PPP1R1C: variants seen among roughly 807,000 people sequenced by gnomAD.
The protein encoded by PPP1R1C is protein phosphatase 1 regulatory inhibitor subunit 1C.
A neutral mutation model predicts 17.4 loss-of-function variants in PPP1R1C; 15 were observed. The ratio of observed to expected loss-of-function variants is 0.86; its 90% CI spans 0.58 to 1.33. The LOEUF is 1.33. Ranked by LOEUF, PPP1R1C falls within the 40% of genes most tolerant of loss-of-function variation. The pLI is 0.00. For missense variants in PPP1R1C, 143 were observed against 130.0 expected (o/e 1.10, Z -0.48); for synonymous variants, 35 against 43.1 (o/e 0.81, Z 0.73).
At chr2:182,124,031 T>C (rs1377802211) in intron 5 of PPP1R1C, among the ~76,000 whole-genome samples, 1 of 152,198 alleles carries the variant, frequency 6.6e-6, no homozygotes, top group Non-Finnish European at 1.5e-5. Context: ...AATTTTTGTA[T>C]AAGGTTTAAG....
intron 4 of PPP1R1C, among the ~76,000 whole-genome samples, chr2:182,092,714 A>C (rs2125222012): frequency 6.6e-6 from 1 of 152,340 alleles, no homozygotes; most frequent in Middle Eastern, 3.4e-3. Context: ...CAAGTCCAAA[A>C]TCCAGCAGGA....
intron 4 of PPP1R1C, among the ~76,000 whole-genome samples, chr2:182,064,880 T>A (rs780459237): frequency 1.3e-5 from 2 of 152,112 alleles, no homozygotes; most frequent in East Asian, 3.8e-4. Context: ...AGTTTTGGCA[T>A]GAATGGGCAA....
At chr2:182,121,113 A>G (rs565359368), downstream of PPP1R1C, among the ~76,000 whole-genome samples, 2 of 152,330 alleles carry the variant, frequency 1.3e-5, no homozygotes, top group East Asian at 3.9e-4. Flanking sequence ...GAATGGGCAA[A>G]GAAACTGACC....
downstream of PPP1R1C, among the ~76,000 whole-genome samples, chr2:182,118,539 A>C (rs1414013017): frequency 3.3e-5 from 5 of 152,176 alleles, no homozygotes; most frequent in East Asian, 5.8e-4. Flanking sequence ...GGAAGAAAAA[A>C]TCAAATGTGT....
At chr2:182,050,643 C>A (rs1687484140) in intron 2 of PPP1R1C, among the ~76,000 whole-genome samples, 1 of 152,128 alleles carries the variant, frequency 6.6e-6, no homozygotes, top group Non-Finnish European at 1.5e-5. Context: ...CACAGCCTTG[C>A]CTATTTATTT....
intron 2 of PPP1R1C, among the ~76,000 whole-genome samples, chr2:182,004,160 G>A (rs1399032614): frequency 6.6e-6 from 1 of 152,170 alleles, no homozygotes; most frequent in Non-Finnish European, 1.5e-5. Context: ...TCTTCCAGTT[G>A]AACACCCTTC....
chr2:182,119,500 G>A (rs1218008411), downstream of PPP1R1C, among the ~76,000 whole-genome samples: 1 of 152,150 alleles, frequency 6.6e-6, no homozygotes, highest in Non-Finnish European at 1.5e-5. Context: ...CACAATGGTT[G>A]AACTAGTTTA....
At chr2:182,067,462 A>T (rs1688017015) in intron 4 of PPP1R1C, among the ~76,000 whole-genome samples, 1 of 152,108 alleles carries the variant, frequency 6.6e-6, no homozygotes. Flanking sequence ...GGAAGATGAA[A>T]GTGGCAATAA....
chr2:182,100,035 G>C (rs887981693), intron 4 of PPP1R1C, among the ~76,000 whole-genome samples: 3 of 152,124 alleles, frequency 2.0e-5, no homozygotes, highest in Admixed American at 6.5e-5. Context: ...GTGGTACCGA[G>C]TCTAATGTTT....
At chr2:182,070,042 A>G (rs1688096729) in intron 4 of PPP1R1C, among the ~76,000 whole-genome samples, 1 of 152,216 alleles carries the variant, frequency 6.6e-6, no homozygotes, top group Non-Finnish European at 1.5e-5. Flanking sequence ...GAAGCAACAT[A>G]CAAGTGGATA....
intron 4 of PPP1R1C, among the ~76,000 whole-genome samples, chr2:182,109,918 G>A (rs564661144): frequency 2.6e-5 from 4 of 152,202 alleles, no homozygotes; most frequent in Admixed American, 2.0e-4. Context: ...TCCATAAAAA[G>A]CATATCAGGA....
chr2:181,972,989 T>C (rs1374145501), intron 1 of PPP1R1C, among the ~76,000 whole-genome samples: 1 of 152,134 alleles, frequency 6.6e-6, no homozygotes, highest in Non-Finnish European at 1.5e-5. Flanking sequence ...GTATAATGAG[T>C]CATATGTTAC....
Position 182,038,528 on chromosome 2 carries a change from TGAATG to T in PPP1R1C, c.143-22912_143-22908del, listed in dbSNP as rs199502588. On this transcript the variant is annotated intron_variant, in intron 2 of 4. Coordinates refer to ENST00000682840, the MANE Select transcript of PPP1R1C (RefSeq NM_001080545.3). ...AAACTGAAAAGATATATGTAGGCAT[TGAATG>T]GCAGGATCAAAGCTGAGGAGATCCT... Among the ~76,000 whole-genome samples the T allele has an allele frequency of 1.4e-3, 220 of 152,338 alleles. 2 individuals are homozygous for T. In the East Asian group the frequency reaches 0.032, roughly 22 times the overall value.
At chr2:182,122,515 A>T (rs764777841), downstream of PPP1R1C, among the ~76,000 whole-genome samples, 2 of 152,168 alleles carry the variant, frequency 1.3e-5, no homozygotes, top group African/African-American at 4.8e-5. Context: ...CAAAAAAGTA[A>T]TATATAATTG....
rs569902377 is a variant in PPP1R1C, at chr2:182,006,073, A to G, written c.142+18174A>G. On this transcript the variant is annotated intron_variant, in intron 2 of 4. Coordinates refer to ENST00000682840, the MANE Select transcript of PPP1R1C (RefSeq NM_001080545.3). Reference sequence around the variant, plus strand: ...TCTTTCCTTAGCTGGAGATTCTGCCAATCTCATCATTGCATTTGTTATTTA... The same window carrying G: ...TCTTTCCTTAGCTGGAGATTCTGCCGATCTCATCATTGCATTTGTTATTTA... Among the ~76,000 whole-genome samples, 40 of 152,310 alleles carry G rather than the reference A, an allele frequency of 2.6e-4. 1 individual carries two copies. Among genetic ancestry groups the G allele is most frequent in the African/African-American group, 8.9e-4 (37 of 41,578 alleles).
chr2:181,962,881 G>A lies in PPP1R1C; in HGVS notation n.111+8247G>A, dbSNP rs1039885250. On this transcript the variant is annotated intron_variant and non_coding_transcript_variant, in intron 1 of 5. Transcript: ENST00000464264. This position sits in a 1 kb window ranked among gnomAD's most constrained non-coding sequence, Gnocchi z 6.0. Reference sequence around the variant, plus strand: ...GGAGAATCACTGATTCCCTTTGTCTGCAGGACACATTTGAGAGGGGGGATC... The same window carrying A: ...GGAGAATCACTGATTCCCTTTGTCTACAGGACACATTTGAGAGGGGGGATC... 6.6e-6 allele frequency among the ~76,000 whole-genome samples: 1 copy of A among 152,162 alleles called. No homozygotes were observed. The highest frequency in any genetic ancestry group is 1.5e-5 in the Non-Finnish European group (1 of 68,028).
intron 2 of PPP1R1C, among the ~76,000 whole-genome samples, chr2:182,040,169 A>C (rs1687138890): frequency 6.6e-6 from 1 of 152,226 alleles, no homozygotes; most frequent in Admixed American, 6.5e-5. Flanking sequence ...GTAGATACCC[A>C]GTAGTGAGAT....
At chr2:182,112,391 A>G (rs1689467558) in intron 4 of PPP1R1C, among the ~76,000 whole-genome samples, 1 of 152,126 alleles carries the variant, frequency 6.6e-6, no homozygotes, top group Non-Finnish European at 1.5e-5. Flanking sequence ...AATCATGACA[A>G]CCACAATAAC....
intron 2 of PPP1R1C, among the ~76,000 whole-genome samples, chr2:182,020,107 C>G (rs1445138823): frequency 6.6e-6 from 1 of 152,174 alleles, no homozygotes; most frequent in Non-Finnish European, 1.5e-5. Flanking sequence ...CAGGAGATTG[C>G]TGATGACTGT....
Sources: allele counts gnomAD v4.1 joint callset (sites outside exome capture counted in the v4.1 genomes callset), GRCh38; gene constraint gnomAD v4.1.1; non-coding constraint Gnocchi (gnomAD v3.1); transcripts MANE v1.5; gene names NCBI Gene and HGNC (gene_info 2026-07-23, HGNC 2026-07-21).